Variants in JAK1 observed in about 807,000 individuals in gnomAD.
JAK1 encodes tyrosine-protein kinase JAK1.
JAK1 carries 16 observed loss-of-function variants against 136.6 expected under a neutral mutation model. The observed-to-expected ratio is 0.12, with a 90% confidence interval of 0.08 to 0.18. The LOEUF (loss-of-function observed/expected upper bound fraction) is 0.18. JAK1 is among the 10% of genes least tolerant of loss of function. The pLI, the probability that JAK1 is intolerant of heterozygous loss-of-function variation, is 1.00. For synonymous variants in JAK1, 492 were observed against 519.5 expected (o/e 0.95, Z 0.72); for missense variants, 859 against 1,450.1 (o/e 0.59, Z 6.62).
intron 2 of JAK1, among the ~76,000 whole-genome samples, chr1:65,014,894 C>T (rs1234388740): frequency 1.3e-5 from 2 of 151,738 alleles, no homozygotes; most frequent in East Asian, 3.9e-4. Flanking sequence ...ACCGTGTTAG[C>T]CAGGAAGGTC....
intron 1 of JAK1, among the ~76,000 whole-genome samples, chr1:64,945,924 G>GA (rs1181446337): frequency 6.6e-6 from 1 of 151,958 alleles, no homozygotes; most frequent in Non-Finnish European, 1.5e-5. Flanking sequence ...TTTTAGTAGG[G>GA]ATAAGGTTTC....
At chr1:64,953,034 A>T (rs1266452637) in intron 1 of JAK1, among the ~76,000 whole-genome samples, 2 of 152,202 alleles carry the variant, frequency 1.3e-5, no homozygotes, top group Non-Finnish European at 2.9e-5. Context: ...AGTCTAAACC[A>T]CTATCTTATT....
chr1:65,014,797 G>A (rs1267856370), intron 2 of JAK1, among the ~76,000 whole-genome samples: 1 of 151,140 alleles, frequency 6.6e-6, no homozygotes, highest in African/African-American at 2.4e-5. Flanking sequence ...CCATTCTCCC[G>A]CCTCAGCCTC....
intron 1 of JAK1, among the ~76,000 whole-genome samples, chr1:64,944,842 C>T (rs1645955366): frequency 7.8e-6 from 1 of 128,412 alleles, no homozygotes; most frequent in African/African-American, 2.5e-5. Flanking sequence ...TCTAAGTCTT[C>T]AATAAATAGG....
Position 65,010,759 on chromosome 1 carries a change from T to G in JAK1, c.-78+33721A>C, listed in dbSNP as rs143926873. Reference sequence around the variant, plus strand: ...ATTCTGGGAGGCCAAAGCTTGAGGTTGGCAGTTTGAGACCAGCTGGGCAAT... The same window carrying G: ...ATTCTGGGAGGCCAAAGCTTGAGGTGGGCAGTTTGAGACCAGCTGGGCAAT... On this transcript the variant is annotated intron_variant, in intron 2 of 25. Coordinates refer to the JAK1 transcript ENST00000671954. Among the ~76,000 whole-genome samples, 845 of 152,256 alleles carry G rather than the reference T, an allele frequency of 5.5e-3. 6 individuals carry two copies. The highest frequency in any genetic ancestry group is 7.0e-3 in the Non-Finnish European group (476 of 68,010).
chr1:64,875,384 G>C (rs1017414918), intron 4 of JAK1, among the ~76,000 whole-genome samples: 5 of 152,254 alleles, frequency 3.3e-5, no homozygotes, highest in Non-Finnish European at 5.9e-5. Flanking sequence ...AAGCGGCAGA[G>C]AGAAGCAGAT....
chr1:64,935,938 T>TACAC (rs1250407200), intron 1 of JAK1, among the ~76,000 whole-genome samples: 1 of 152,158 alleles, frequency 6.6e-6, no homozygotes, highest in African/African-American at 2.4e-5. Flanking sequence ...CAGACCGGTG[T>TACAC]GTGTCTCAAC....
chr1:65,011,218 G>A (rs918258747), intron 2 of JAK1, among the ~76,000 whole-genome samples: 3 of 152,162 alleles, frequency 2.0e-5, no homozygotes, highest in Non-Finnish European at 2.9e-5. Flanking sequence ...GCTTATGCCT[G>A]TAATCTCAGC....
intron 4 of JAK1, among the ~76,000 whole-genome samples, chr1:64,874,277 TAC>T: frequency 6.6e-6 from 1 of 152,272 alleles, no homozygotes; most frequent in African/African-American, 2.4e-5. Context: ...AGTCCATTCA[TAC>T]ACAGATTTTT....
chr1:64,948,804 T>TGTGA, intron 1 of JAK1, among the ~76,000 whole-genome samples: 1 of 152,352 alleles, frequency 6.6e-6, no homozygotes, highest in Admixed American at 6.5e-5. Context: ...CCATTTAACA[T>TGTGA]GGCTTCCACC....
intron 1 of JAK1, among the ~76,000 whole-genome samples, chr1:64,946,395 G>C (rs111276813): frequency 1.3e-5 from 2 of 152,136 alleles, no homozygotes; most frequent in South Asian, 2.1e-4. Flanking sequence ...CAAGGCTTTA[G>C]GTAACTTCCC....
chr1:64,910,270 G>A (rs1378509141), intron 1 of JAK1, among the ~76,000 whole-genome samples: 4 of 152,258 alleles, frequency 2.6e-5, no homozygotes, highest in Admixed American at 1.3e-4. Flanking sequence ...AAAGTTATTT[G>A]TAGTCTACTG....
chr1:65,020,010 G>A (rs1466847871), intron 2 of JAK1, among the ~76,000 whole-genome samples: 5 of 152,012 alleles, frequency 3.3e-5, no homozygotes, highest in Non-Finnish European at 7.4e-5. Context: ...CAGATCATCT[G>A]AGGTCAGAAG....
chr1:65,065,764 C>T (rs1386710923), intron 1 of JAK1, among the ~76,000 whole-genome samples: 1 of 150,578 alleles, frequency 6.6e-6, no homozygotes, highest in Non-Finnish European at 1.5e-5. Flanking sequence ...CTGCTTAGGC[C>T]TGGCTCTGGG....
intron 1 of JAK1, among the ~76,000 whole-genome samples, chr1:64,953,956 T>C (rs1646137178): frequency 6.6e-6 from 1 of 152,220 alleles, no homozygotes; most frequent in South Asian, 2.1e-4. Flanking sequence ...ATTATAGGCA[T>C]GAGCGACCGC....
chr1:65,023,372 A>C (rs1054216114), intron 2 of JAK1, among the ~76,000 whole-genome samples: 1 of 152,168 alleles, frequency 6.6e-6, no homozygotes, highest in Non-Finnish European at 1.5e-5. Flanking sequence ...CTGGTATTAC[A>C]AGCCTGAGCC....
intron 1 of JAK1, among the ~76,000 whole-genome samples, chr1:65,059,244 CTTTGT>C (rs1647686106): frequency 6.6e-6 from 1 of 152,042 alleles, no homozygotes; most frequent in Non-Finnish European, 1.5e-5. Flanking sequence ...GAACACAGTG[CTTTGT>C]TTTCTCTACC....
chr1:64,982,926 G>A (rs546093737), intron 2 of JAK1, among the ~76,000 whole-genome samples: 1 of 152,254 alleles, frequency 6.6e-6, no homozygotes, highest in African/African-American at 2.4e-5. Context: ...GCTGTTTGAG[G>A]AGCCAGAAGT....
At chr1:64,859,165 C>T (rs1656136510) in intron 9 of JAK1, among the ~76,000 whole-genome samples, 1 of 152,230 alleles carries the variant, frequency 6.6e-6, no homozygotes, top group Admixed American at 6.5e-5. Flanking sequence ...AGGTGAGAAG[C>T]ACATCATGTG....
Sources: gnomAD v4.1 joint callset for allele counts (sites outside exome capture counted in the v4.1 genomes callset) on GRCh38, gnomAD v4.1.1 for gene constraint, MANE v1.5 for transcripts, NCBI Gene and HGNC (gene_info 2026-07-23, HGNC 2026-07-21) for gene names.